The following DOCK1 variants were observed in gnomAD, a reference collection of about 807,000 sequenced individuals.
DOCK1 encodes the protein dedicator of cytokinesis protein 1.
DOCK1 carries 138 observed loss-of-function variants against 262.7 expected under a neutral mutation model. The ratio of observed to expected loss-of-function variants is 0.53; its 90% CI spans 0.46 to 0.61. The LOEUF is 0.61. Ranked by LOEUF, DOCK1 falls within the 20% of genes least tolerant of loss-of-function variation. The pLI is 0.00. For missense variants in DOCK1, 1,908 were observed against 2,370.7 expected, an observed-to-expected ratio of 0.80 and a Z score of 4.05; for synonymous variants, 866 against 867.4, an observed-to-expected ratio of 1.00 and a Z score of 0.03.
chr10:127,301,440 G>A (rs1284496948), intron 29 of DOCK1, among the ~76,000 whole-genome samples: 1 of 152,176 alleles, frequency 6.6e-6, no homozygotes, highest in Non-Finnish European at 1.5e-5. Context: ...AGTGAGTACT[G>A]TGCTAACCGC....
intron 1 of DOCK1, among the ~76,000 whole-genome samples, chr10:126,953,876 T>C (rs985873474): frequency 0.31 from 47,206 of 151,920 alleles, 7,509 homozygotes; most frequent in Non-Finnish European, 0.36. Context: ...CCGATGGAGC[T>C]TTAAAAGCTA....
At position 127,176,431 on chromosome 10, in the gene DOCK1, G is replaced by A. The variant is rs750789283; in HGVS notation, c.2847+48667G>A. 7 of 1,549,734 alleles carry A rather than the reference G, an allele frequency of 4.5e-6. No individual in the cohort carries two copies. In the South Asian group the frequency reaches 6.0e-5, roughly 13 times the overall value. Reference sequence around the variant, plus strand: ...TTCAGAAACAGCAACAGAGGTGTCAGTGGGACAGAAATACACACTCAAGCA... The same window carrying A: ...TTCAGAAACAGCAACAGAGGTGTCAATGGGACAGAAATACACACTCAAGCA... On this transcript the variant is annotated intron_variant, in intron 27 of 51. Transcript: ENST00000623213. The surrounding 1 kb of genome is among the most constrained non-coding windows in gnomAD (Gnocchi z 4.4).
chr10:127,093,341 G>T (rs1488528619), intron 23 of DOCK1, among the ~76,000 whole-genome samples: 2 of 145,922 alleles, frequency 1.4e-5, no homozygotes, highest in Non-Finnish European at 3.0e-5. Flanking sequence ...CACCTTCCAG[G>T]CTCAAGTAAT....
intron 4 of DOCK1, among the ~76,000 whole-genome samples, chr10:126,987,122 C>T (rs1293684858): frequency 6.6e-6 from 1 of 152,086 alleles, no homozygotes; most frequent in Non-Finnish European, 1.5e-5. Flanking sequence ...GTAATCTTAA[C>T]CCAAACCTGC....
chr10:126,943,639 G>A, intron 1 of DOCK1, among the ~76,000 whole-genome samples: 1 of 152,186 alleles, frequency 6.6e-6, no homozygotes, highest in East Asian at 1.9e-4. Context: ...AGGGACTGAA[G>A]TAGATATGGG....
At chr10:127,365,267 C>T (rs1021273393) in intron 33 of DOCK1, among the ~76,000 whole-genome samples, 1 of 152,074 alleles carries the variant, frequency 6.6e-6, no homozygotes, top group African/African-American at 2.4e-5. Context: ...GAAAATTTTC[C>T]CAGTATACAT....
intron 1 of DOCK1, among the ~76,000 whole-genome samples, chr10:126,911,457 T>C (rs2031746693): frequency 6.6e-6 from 1 of 152,178 alleles, no homozygotes; most frequent in Non-Finnish European, 1.5e-5. Flanking sequence ...AGTGGAAGGC[T>C]GACCGGGCAC....
At chr10:127,378,249 C>G (rs962282799) in intron 35 of DOCK1, among the ~76,000 whole-genome samples, 3 of 152,168 alleles carry the variant, frequency 2.0e-5, no homozygotes, top group African/African-American at 7.2e-5. Flanking sequence ...TTTTTAAAAT[C>G]TTGGTATCTG....
At chr10:127,251,400 CTTTAAG>C (rs1564935558) in intron 28 of DOCK1, among the ~76,000 whole-genome samples, 1 of 150,978 alleles carries the variant, frequency 6.6e-6, no homozygotes, top group Non-Finnish European at 1.5e-5. Flanking sequence ...TATTATTATA[CTTTAAG>C]TTTTAGTGTA....
intron 27 of DOCK1, among the ~76,000 whole-genome samples, chr10:127,163,538 G>A (rs995691012): frequency 1.3e-5 from 2 of 152,100 alleles, no homozygotes; most frequent in Admixed American, 6.6e-5. Flanking sequence ...ATGAATGAAT[G>A]AGTGAATGAA....
At chr10:127,010,476 A>G (rs1481521602) in intron 11 of DOCK1, among the ~76,000 whole-genome samples, 1 of 152,202 alleles carries the variant, frequency 6.6e-6, no homozygotes, top group Non-Finnish European at 1.5e-5. Context: ...CAATGATAAT[A>G]GTAATTAGAA....
chr10:126,905,933 G>A (rs574600899), intron 1 of DOCK1, among the ~76,000 whole-genome samples: 6 of 152,234 alleles, frequency 3.9e-5, no homozygotes, highest in African/African-American at 1.4e-4. Context: ...GGCTGGGCCC[G>A]TCAGGGAAGC....
chr10:127,108,752 A>G (rs2136236251), intron 24 of DOCK1, among the ~76,000 whole-genome samples: 1 of 152,358 alleles, frequency 6.6e-6, no homozygotes, highest in East Asian at 1.9e-4. Context: ...TAGACGCAGC[A>G]TCTATTATGT....
At chr10:126,923,108 T>A (rs924158640) in intron 1 of DOCK1, among the ~76,000 whole-genome samples, 27 of 152,122 alleles carry the variant, frequency 1.8e-4, no homozygotes, top group African/African-American at 6.3e-4. Flanking sequence ...AAACTCCATC[T>A]AAAAAAATAA....
intron 27 of DOCK1, among the ~76,000 whole-genome samples, chr10:127,239,294 A>G (rs1363095915): frequency 6.6e-6 from 1 of 152,226 alleles, no homozygotes; most frequent in Non-Finnish European, 1.5e-5. Context: ...ATACATATTT[A>G]TAAGAAATAC....
chr10:126,982,355 G>A (rs747448221), intron 4 of DOCK1, among the ~76,000 whole-genome samples: 9 of 152,260 alleles, frequency 5.9e-5, no homozygotes, highest in Middle Eastern at 3.4e-3. Flanking sequence ...TATAAATGGA[G>A]TTTAGGGTGA....
rs1565077016 is a variant in DOCK1, at chr10:127,418,923, CG to C, written c.4692+384del. ...TAGCGCTTTGACGGTGGAGGGGGCC[CG>C]GCCAGCTGGTCTCCCTGGATCCTAG... On this transcript the variant is annotated intron_variant, in intron 45 of 51. Coordinates refer to ENST00000623213, the MANE Select transcript of DOCK1 (RefSeq NM_001290223.2). Among the ~76,000 whole-genome samples, 7 of 152,312 alleles carry C rather than the reference CG, an allele frequency of 4.6e-5. No homozygotes were observed. The East Asian group carries it at 1.4e-3, about 29-fold the overall frequency.
chr10:127,195,391 C>T (rs984577836), intron 27 of DOCK1, among the ~76,000 whole-genome samples: 9 of 152,182 alleles, frequency 5.9e-5, no homozygotes, highest in African/African-American at 2.2e-4. Context: ...GGCGCCGACC[C>T]CAACCCGCAG....
intron 27 of DOCK1, among the ~76,000 whole-genome samples, chr10:127,191,797 CTT>C (rs915766163): frequency 6.6e-6 from 1 of 152,180 alleles, no homozygotes; most frequent in African/African-American, 2.4e-5. Context: ...GCTTTTTCCT[CTT>C]TCTCTCTGGG....
Sources: gnomAD v4.1 joint callset for allele counts (sites outside exome capture counted in the v4.1 genomes callset) on GRCh38, gnomAD v4.1.1 for gene constraint, Gnocchi (gnomAD v3.1) non-coding constraint, MANE v1.5 for transcripts, NCBI Gene and HGNC (gene_info 2026-07-23, HGNC 2026-07-21) for gene names.